Variants in CELF2 observed in about 807,000 individuals in gnomAD.
The protein encoded by CELF2 is CUG triplet repeat RNA-binding protein 2.
A neutral mutation model predicts 62.6 loss-of-function variants in CELF2; 8 were observed. The observed-to-expected ratio is 0.13, with a 90% CI of 0.07 to 0.23. The LOEUF (loss-of-function observed/expected upper bound fraction) is 0.23, where lower values mean the gene tolerates loss of function less well. Ranked by LOEUF, CELF2 falls within the 10% of genes least tolerant of loss-of-function variation. The pLI is 1.00. For synonymous variants in CELF2, 258 were observed against 250.0 expected, an observed-to-expected ratio of 1.03 and a Z score of -0.30; for missense variants, 333 against 671.0, an observed-to-expected ratio of 0.50 and a Z score of 5.56.
the CELF2 span, among the ~76,000 whole-genome samples, chr10:10,472,198 T>C: frequency 6.6e-6 from 1 of 151,826 alleles, no homozygotes; most frequent in Non-Finnish European, 1.5e-5. Context: ...TGCTTGTTTC[T>C]TGGGAATTGC....
At chr10:10,628,095 G>T in the CELF2 span, among the ~76,000 whole-genome samples, 1 of 152,002 alleles carries the variant, frequency 6.6e-6, no homozygotes, top group Non-Finnish European at 1.5e-5. Flanking sequence ...TAGAGACAGG[G>T]TTTTGCCGTG....
At chr10:11,162,604 G>T (rs571637329) in intron 1 of CELF2, among the ~76,000 whole-genome samples, 24 of 150,908 alleles carry the variant, frequency 1.6e-4, no homozygotes, top group African/African-American at 5.6e-4. Context: ...GCCTAAACTG[G>T]GGTGGGGGGG....
chr10:11,151,965 G>C (rs1407476776), intron 1 of CELF2, among the ~76,000 whole-genome samples: 1 of 152,194 alleles, frequency 6.6e-6, no homozygotes, highest in East Asian at 1.9e-4. Flanking sequence ...TTCAGAGTTA[G>C]AGCTTGGTAA....
At chr10:10,638,160 A>G in the CELF2 span, among the ~76,000 whole-genome samples, 2 of 152,136 alleles carry the variant, frequency 1.3e-5, no homozygotes, top group Non-Finnish European at 2.9e-5. Context: ...TCTTTTGTGC[A>G]TACACTTTAA....
intron 1 of CELF2, among the ~76,000 whole-genome samples, chr10:10,891,896 C>T (rs2062172537): frequency 6.6e-6 from 1 of 152,138 alleles, no homozygotes; most frequent in South Asian, 2.1e-4. Flanking sequence ...TTGGGAGGAG[C>T]AAATAGCACA....
the CELF2 span, among the ~76,000 whole-genome samples, chr10:10,741,309 G>A: frequency 1.3e-5 from 2 of 151,782 alleles, no homozygotes; most frequent in African/African-American, 4.8e-5. Context: ...TCAACAGATC[G>A]AGACCATCCT....
At position 11,285,873 on chromosome 10, in the gene CELF2, GTGTGTTTT is replaced by G. The variant is rs1343375595; in HGVS notation, c.842-2543_842-2536del. 5.6e-4 allele frequency among the ~76,000 whole-genome samples: 52 copies of G among 93,192 alleles called. 1 individual carries two copies. Among genetic ancestry groups the G allele is most frequent in the African/African-American group, 2.9e-3 (52 of 17,822 alleles). 61.1% of individuals were successfully genotyped at this position (93,192 alleles called of 152,430 possible). On this transcript the variant is annotated intron_variant, in intron 8 of 12. Coordinates refer to ENST00000633077, the MANE Select transcript of CELF2 (RefSeq NM_001326342.2). The surrounding 1 kb of genome is among the most constrained non-coding windows in gnomAD (Gnocchi z 4.3). The stretch of plus-strand genomic sequence containing the variant: ...TGTGTGTGTGTGTGTGTGTGTGTGT[GTGTGTTTT>G]TACATGGACTTGAAAATGAGTAAGA...
chr10:11,254,668 T>C (rs957996409), intron 4 of CELF2, among the ~76,000 whole-genome samples: 1 of 152,224 alleles, frequency 6.6e-6, no homozygotes, highest in African/African-American at 2.4e-5. Flanking sequence ...ACCATAATTA[T>C]AGGTTTAGCA....
At chr10:10,581,562 A>G in the CELF2 span, among the ~76,000 whole-genome samples, 2 of 152,188 alleles carry the variant, frequency 1.3e-5, no homozygotes, top group Non-Finnish European at 2.9e-5. Flanking sequence ...TCTCACATTC[A>G]GGCAAACCAG....
intron 1 of CELF2, among the ~76,000 whole-genome samples, chr10:11,118,308 TTTG>T (rs1445418937): frequency 2.0e-5 from 3 of 152,094 alleles, no homozygotes; most frequent in Admixed American, 2.0e-4. Flanking sequence ...CCACTTGATC[TTTG>T]TTTTCCTCTT....
chr10:10,788,576 C>T, the CELF2 span, among the ~76,000 whole-genome samples: 1 of 149,870 alleles, frequency 6.7e-6, no homozygotes, highest in Non-Finnish European at 1.5e-5. Context: ...GATTCTCCTG[C>T]CTCTCCCTCC....
chr10:11,242,238 G>T lies in CELF2; in HGVS notation c.355-6915G>T, dbSNP rs544931902. Among the ~76,000 whole-genome samples the T allele has an allele frequency of 3.9e-5, 6 of 152,294 alleles. No homozygotes were observed. In the South Asian group the frequency reaches 1.2e-3, roughly 32 times the overall value. ...TAAAAACCCATTTCAGGTTAAAAATGGCATGTTTTATTGAATCTCATGTTA... is the reference window on the plus strand; with the variant it reads ...TAAAAACCCATTTCAGGTTAAAAATTGCATGTTTTATTGAATCTCATGTTA... On this transcript the variant is annotated intron_variant, in intron 3 of 12. Transcript: ENST00000633077. This position sits in a 1 kb window ranked among gnomAD's most constrained non-coding sequence, Gnocchi z 4.8.
At chr10:10,698,090 G>A in the CELF2 span, among the ~76,000 whole-genome samples, 1 of 152,134 alleles carries the variant, frequency 6.6e-6, no homozygotes, top group Non-Finnish European at 1.5e-5. Context: ...ATTGGGGGGT[G>A]GGGCACACAC....
intron 2 of CELF2, among the ~76,000 whole-genome samples, chr10:10,954,660 T>C (rs1403588596): frequency 6.6e-6 from 1 of 152,214 alleles, no homozygotes. Flanking sequence ...TTAAAAGTTA[T>C]CTAATCCTGC....
the CELF2 span, among the ~76,000 whole-genome samples, chr10:10,753,836 G>C: frequency 1.3e-4 from 20 of 152,142 alleles, no homozygotes; most frequent in Admixed American, 1.2e-3. Flanking sequence ...GATAATTCCA[G>C]AGCAAAACCC....
intron 1 of CELF2, among the ~76,000 whole-genome samples, chr10:11,087,770 C>T (rs2047214097): frequency 6.6e-6 from 1 of 152,220 alleles, no homozygotes; most frequent in Non-Finnish European, 1.5e-5. Context: ...TGTCCTTCTA[C>T]AGCCTCTTCT....
intron 1 of CELF2, among the ~76,000 whole-genome samples, chr10:11,057,335 C>A (rs1174431885): frequency 6.6e-6 from 1 of 152,154 alleles, no homozygotes; most frequent in Non-Finnish European, 1.5e-5. Flanking sequence ...TGCTTTTGCT[C>A]TACTAGCATG....
the CELF2 span, among the ~76,000 whole-genome samples, chr10:10,741,439 A>C: frequency 7.8e-6 from 1 of 128,614 alleles, no homozygotes; most frequent in African/African-American, 2.9e-5. Context: ...TGAACTCGGG[A>C]GGGAGAGGTG....
intron 1 of CELF2, chr10:11,030,877 TG>T (rs2060001627): frequency 6.6e-6 from 1 of 152,256 alleles, no homozygotes; most frequent in Admixed American, 6.5e-5. Context: ...TGTCAGTGGA[TG>T]GGGACACCCA....
Sources: allele counts gnomAD v4.1 joint callset (sites outside exome capture counted in the v4.1 genomes callset), GRCh38; gene constraint gnomAD v4.1.1; non-coding constraint Gnocchi (gnomAD v3.1); transcripts MANE v1.5; gene names NCBI Gene and HGNC (gene_info 2026-07-23, HGNC 2026-07-21).